TMPRSS12: variants seen among roughly 807,000 people sequenced by gnomAD.
The protein encoded by TMPRSS12 is transmembrane serine protease 12.
In TMPRSS12, 25 loss-of-function variants were observed where a neutral mutation model predicts 26.0. The observed-to-expected ratio is 0.96, with a 90% CI of 0.70 to 1.34. The LOEUF (loss-of-function observed/expected upper bound fraction) is 1.34, where lower values mean the gene tolerates loss of function less well. Ranked by LOEUF, TMPRSS12 falls within the 40% of genes most tolerant of loss-of-function variation. The probability of loss-of-function intolerance (pLI) is 0.00; values close to 1 mark genes in which losing one functional copy is unlikely to be tolerated. For missense variants in TMPRSS12, 441 were observed against 440.1 expected, an observed-to-expected ratio of 1.00 and a Z score of -0.02; for synonymous variants, 150 against 161.7, an observed-to-expected ratio of 0.93 and a Z score of 0.55.
intron 3 of TMPRSS12, among the ~76,000 whole-genome samples, chr12:50,863,245 T>G (rs1592220299): frequency 6.6e-6 from 1 of 151,876 alleles, no homozygotes; most frequent in Non-Finnish European, 1.5e-5. Flanking sequence ...TAAAGTAGAC[T>G]TACAGCAGAG....
At chr12:50,873,565 A>G (rs1371826208) in intron 3 of TMPRSS12, among the ~76,000 whole-genome samples, 3 of 152,198 alleles carry the variant, frequency 2.0e-5, no homozygotes, top group Non-Finnish European at 4.4e-5. Flanking sequence ...AAGAAGGAAC[A>G]AAAAAAGACA....
chr12:50,883,875 G>A (rs1163473252), intron 3 of TMPRSS12, among the ~76,000 whole-genome samples: 4 of 152,026 alleles, frequency 2.6e-5, no homozygotes, highest in African/African-American at 9.7e-5. Context: ...GATGGCACAT[G>A]CCCATAGTCC....
intron 3 of TMPRSS12, among the ~76,000 whole-genome samples, chr12:50,880,699 C>G (rs1938155025): frequency 6.6e-6 from 1 of 152,070 alleles, no homozygotes; most frequent in Admixed American, 6.6e-5. Context: ...GAACGCTCAT[C>G]ATAGCATTAT....
At chr12:50,856,684 G>GTTTT (rs1326993297) in intron 2 of TMPRSS12, among the ~76,000 whole-genome samples, 1 of 150,994 alleles carries the variant, frequency 6.6e-6, no homozygotes, top group Non-Finnish European at 1.5e-5. Context: ...TTTTGTTGTT[G>GTTTT]TTGTTACTTG....
At chr12:50,879,521 C>T (rs919693005) in intron 3 of TMPRSS12, among the ~76,000 whole-genome samples, 2 of 152,126 alleles carry the variant, frequency 1.3e-5, no homozygotes, top group Non-Finnish European at 2.9e-5. Flanking sequence ...CATGCATTTC[C>T]ATTTCAATAT....
At chr12:50,856,632 T>C (rs894203655) in intron 2 of TMPRSS12, among the ~76,000 whole-genome samples, 2 of 31,458 alleles carry the variant, frequency 6.4e-5, no homozygotes, top group Non-Finnish European at 1.5e-4. Context: ...GTATCTGCTG[T>C]TTTATATTAA....
chr12:50,850,674 C>A (rs1487454903), intron 2 of TMPRSS12, among the ~76,000 whole-genome samples: 1 of 152,234 alleles, frequency 6.6e-6, no homozygotes, highest in Non-Finnish European at 1.5e-5. Flanking sequence ...GACTCCACTG[C>A]ACTTCCACCA....
At chr12:50,880,966 CTTTTTTTTTTTTTTTT>C (rs869152225) in intron 3 of TMPRSS12, among the ~76,000 whole-genome samples, 643 of 61,836 alleles carry the variant, frequency 0.01, 12 homozygotes, top group African/African-American at 0.036. Flanking sequence ...TCAGTAATTT[CTTTTTTTTTTTTTTTT>C]TTTTTTTTTT....
chr12:50,872,864 CTATATATGTACATATATATGACG>C lies in TMPRSS12; in HGVS notation c.653-12359_653-12337del, dbSNP rs1565936076. Among the ~76,000 whole-genome samples, 9 of 12,268 alleles carry C rather than the reference CTATATATGTACATATATATGACG, an allele frequency of 7.3e-4. 2 individuals carry two copies. The highest frequency in any genetic ancestry group is 3.7e-3 in the South Asian group (1 of 270). 8.0% of individuals were successfully genotyped at this position (12,268 alleles called of 152,430 possible). ...CGTCTATATATGTACATATATATGA[CTATATATGTACATATATATGACG>C]TATATATGTACATATATATGACTAT... On this transcript the variant is annotated intron_variant, in intron 3 of 4. Coordinates refer to ENST00000398458, the MANE Select transcript of TMPRSS12 (RefSeq NM_182559.3).
At chr12:50,884,276 T>C (rs923743442) in intron 3 of TMPRSS12, among the ~76,000 whole-genome samples, 1 of 152,116 alleles carries the variant, frequency 6.6e-6, no homozygotes, top group Non-Finnish European at 1.5e-5. Context: ...AGTGTGTTAA[T>C]ACTAGAAGAA....
chr12:50,874,797 T>A (rs1938097438), intron 3 of TMPRSS12, among the ~76,000 whole-genome samples: 1 of 151,996 alleles, frequency 6.6e-6, no homozygotes, highest in Admixed American at 6.6e-5. Flanking sequence ...AAATCAAGAA[T>A]GCGATGTCAT....
Position 50,864,333 on chromosome 12 carries a change from G to C in TMPRSS12, c.652+5280G>C, listed in dbSNP as rs972101614. Among the ~76,000 whole-genome samples, 3 of 152,070 alleles carry C rather than the reference G, an allele frequency of 2.0e-5. No homozygotes were observed. The East Asian group carries it at 5.8e-4, about 29-fold the overall frequency. On this transcript the variant is annotated intron_variant, in intron 3 of 4. Transcript: ENST00000398458. ...GATAAAGTTGCAGTGAAATCGAATG[G>C]ATTACAATAAAAAGATCACAAATAA...
intron 3 of TMPRSS12, among the ~76,000 whole-genome samples, chr12:50,874,255 A>G (rs1308511661): frequency 1.3e-5 from 2 of 152,104 alleles, no homozygotes; most frequent in African/African-American, 4.8e-5. Context: ...CACCAAACCA[A>G]AAACATTACA....
chr12:50,868,887 C>T (rs1398681033), intron 3 of TMPRSS12, among the ~76,000 whole-genome samples: 2 of 152,012 alleles, frequency 1.3e-5, no homozygotes, highest in South Asian at 2.1e-4. Context: ...ATAACTTGCT[C>T]CTGAATAATC....
At chr12:50,882,873 GA>G (rs1372995196) in intron 3 of TMPRSS12, among the ~76,000 whole-genome samples, 2 of 152,068 alleles carry the variant, frequency 1.3e-5, no homozygotes, top group East Asian at 3.9e-4. Context: ...CGCTTCCAAA[GA>G]ATACAAAAGG....
intron 3 of TMPRSS12, among the ~76,000 whole-genome samples, chr12:50,882,286 TAAAAAAAAAAAAAAAAA>T (rs59323134): frequency 1.7e-5 from 1 of 58,506 alleles, no homozygotes; most frequent in Non-Finnish European, 2.9e-5. Flanking sequence ...CCCATCTCTC[TAAAAAAAAAAAAAAAAA>T]AAAAAAAAAA....
chr12:50,853,042 C>T (rs1937841044), intron 2 of TMPRSS12, among the ~76,000 whole-genome samples: 1 of 152,188 alleles, frequency 6.6e-6, no homozygotes, highest in Admixed American at 6.5e-5. Flanking sequence ...GTAATCCACA[C>T]ATAACACATA....
chr12:50,872,743 T>G (rs111068157), intron 3 of TMPRSS12, among the ~76,000 whole-genome samples: 12,658 of 23,130 alleles, frequency 0.55, 2,040 homozygotes, highest in African/African-American at 0.62. Context: ...TACATATATA[T>G]ACGTCTATAT....
At position 50,860,377 on chromosome 12, in the gene TMPRSS12, A is replaced by G. The variant is rs868514881; in HGVS notation, c.652+1324A>G. ...GAGCTACCACCATTTGGGAGCATTT[A>G]CCATGTTTCAGGCCCTGTTTCTGTT... On this transcript the variant is annotated intron_variant, in intron 3 of 4. Transcript: ENST00000398458. Among the ~76,000 whole-genome samples, 38 of 152,116 alleles carry G rather than the reference A, an allele frequency of 2.5e-4. 1 individual carries two copies. The highest frequency in any genetic ancestry group is 8.0e-4 in the African/African-American group (33 of 41,410).
Sources: gnomAD v4.1 joint callset for allele counts (sites outside exome capture counted in the v4.1 genomes callset) on GRCh38, gnomAD v4.1.1 for gene constraint, MANE v1.5 for transcripts, NCBI Gene and HGNC (gene_info 2026-07-23, HGNC 2026-07-21) for gene names.